The following CSMD1 variants were observed in gnomAD, a reference collection of about 807,000 sequenced individuals.
The protein encoded by CSMD1 is CUB and sushi domain-containing protein 1.
CSMD1 carries 213 observed loss-of-function variants against 417.5 expected under a neutral mutation model. The observed-to-expected ratio is 0.51, with a 90% CI of 0.46 to 0.57. CSMD1 has a LOEUF of 0.57. Among genes scored for constraint, CSMD1 ranks in the 20% least tolerant of loss-of-function variants. The probability of loss-of-function intolerance (pLI) is 0.00; values close to 1 mark genes in which losing one functional copy is unlikely to be tolerated. For synonymous variants in CSMD1, 2,862 were observed against 1,736.8 expected (o/e 1.65, Z -16.11); for missense variants, 6,923 against 4,529.7 (o/e 1.53, Z -15.17).
chr8:4,064,871 G>A (rs922681724), intron 3 of CSMD1, among the ~76,000 whole-genome samples: 6 of 151,998 alleles, frequency 3.9e-5, no homozygotes, highest in African/African-American at 1.5e-4. Context: ...TGTAATGTGT[G>A]TATCTACATG....
At position 3,784,234 on chromosome 8, in the gene CSMD1, G is replaced by T. The variant is rs112866693; in HGVS notation, c.819-30192C>A. Among the ~76,000 whole-genome samples the T allele has an allele frequency of 3.8e-3, 578 of 152,154 alleles. 4 individuals carry two copies. The highest frequency in any genetic ancestry group is 0.013 in the African/African-American group (539 of 41,514). ...TAAATAACAAATTATTTTTTAAAAGGATGTGTAAATAAATGTCCAACACAG... is the reference window on the plus strand; with the variant it reads ...TAAATAACAAATTATTTTTTAAAAGTATGTGTAAATAAATGTCCAACACAG... On this transcript the variant is annotated intron_variant, in intron 5 of 69. Transcript: ENST00000635120.
chr8:3,952,136 C>G (rs1314963379), intron 5 of CSMD1, among the ~76,000 whole-genome samples: 2 of 152,058 alleles, frequency 1.3e-5, no homozygotes, highest in African/African-American at 4.8e-5. Context: ...TAGTGGTTCA[C>G]AAAGTATGGT....
At chr8:4,927,024 A>G (rs1054222968) in intron 1 of CSMD1, among the ~76,000 whole-genome samples, 1 of 151,844 alleles carries the variant, frequency 6.6e-6, no homozygotes, top group Admixed American at 6.6e-5. Context: ...TCCCGTATCT[A>G]AAAGACATGC....
intron 26 of CSMD1, among the ~76,000 whole-genome samples, chr8:3,270,457 T>C (rs753834829): frequency 6.6e-6 from 1 of 152,186 alleles, no homozygotes; most frequent in Non-Finnish European, 1.5e-5. Context: ...AGGTGATAGA[T>C]TAAAAACTAT....
At chr8:4,748,327 G>C (rs976560198) in intron 1 of CSMD1, among the ~76,000 whole-genome samples, 2 of 152,226 alleles carry the variant, frequency 1.3e-5, no homozygotes, top group East Asian at 3.8e-4. Context: ...ATCTGAGTTG[G>C]AAATGTGTGC....
At chr8:4,856,068 G>A (rs1028344214) in intron 1 of CSMD1, among the ~76,000 whole-genome samples, 16 of 152,166 alleles carry the variant, frequency 1.1e-4, no homozygotes, top group East Asian at 1.9e-4. Context: ...CGGATCTCTC[G>A]ACAGAAACCC....
intron 3 of CSMD1, among the ~76,000 whole-genome samples, chr8:4,414,532 ATAAG>A (rs1796821465): frequency 6.6e-6 from 1 of 152,216 alleles, no homozygotes; most frequent in Non-Finnish European, 1.5e-5. Context: ...TGCATAGTTT[ATAAG>A]TAATAAACTA....
intron 12 of CSMD1, among the ~76,000 whole-genome samples, chr8:3,423,592 C>G (rs559550347): frequency 3.3e-5 from 5 of 152,276 alleles, no homozygotes; most frequent in African/African-American, 1.2e-4. Flanking sequence ...ACTCAATGGT[C>G]CTCCACTCTG....
intron 2 of CSMD1, among the ~76,000 whole-genome samples, chr8:4,572,252 T>G (rs1182013292): frequency 6.6e-6 from 1 of 152,230 alleles, no homozygotes; most frequent in Non-Finnish European, 1.5e-5. Flanking sequence ...CAGTGGCTGG[T>G]ACCAGTTTTT....
At chr8:4,316,393 T>C (rs1468575645) in intron 3 of CSMD1, among the ~76,000 whole-genome samples, 1 of 152,176 alleles carries the variant, frequency 6.6e-6, no homozygotes, top group Non-Finnish European at 1.5e-5. Flanking sequence ...CTGTTAATTC[T>C]TGGACTTACC....
intron 3 of CSMD1, among the ~76,000 whole-genome samples, chr8:4,312,695 G>C (rs1798697928): frequency 6.6e-6 from 1 of 151,844 alleles, no homozygotes; most frequent in South Asian, 2.1e-4. Context: ...TGGCCAACCT[G>C]ACGAAACCCC....
chr8:4,309,736 C>G (rs370455652), intron 3 of CSMD1, among the ~76,000 whole-genome samples: 76 of 152,232 alleles, frequency 5.0e-4, no homozygotes, highest in African/African-American at 1.8e-3. Context: ...ACAAAATAAC[C>G]TATCACAGTC....
chr8:4,659,209 C>G (rs1804428631), intron 1 of CSMD1, among the ~76,000 whole-genome samples: 1 of 151,928 alleles, frequency 6.6e-6, no homozygotes, highest in Non-Finnish European at 1.5e-5. Flanking sequence ...TATATGGAAT[C>G]AGAAAAACAG....
chr8:4,379,438 T>C (rs1802961582), intron 3 of CSMD1, among the ~76,000 whole-genome samples: 1 of 152,190 alleles, frequency 6.6e-6, no homozygotes, highest in Admixed American at 6.5e-5. Flanking sequence ...GCCTGCAGTT[T>C]AGTTAATAAT....
intron 1 of CSMD1, among the ~76,000 whole-genome samples, chr8:4,727,798 A>G (rs1192611692): frequency 6.6e-6 from 1 of 151,406 alleles, no homozygotes; most frequent in Non-Finnish European, 1.5e-5. Context: ...TTTGGAATAT[A>G]TATGTTTGGT....
intron 2 of CSMD1, among the ~76,000 whole-genome samples, chr8:4,444,750 A>T (rs527931064): frequency 1.3e-5 from 2 of 152,178 alleles, no homozygotes; most frequent in African/African-American, 4.8e-5. Flanking sequence ...TGATATGAAT[A>T]TGTCTACCTA....
At chr8:3,073,415 T>C (rs1029437205) in intron 49 of CSMD1, among the ~76,000 whole-genome samples, 4 of 152,202 alleles carry the variant, frequency 2.6e-5, no homozygotes, top group African/African-American at 7.2e-5. Flanking sequence ...GGTAGCCATC[T>C]GAGAGGGTGA....
At chr8:4,738,903 T>TTGTGTGTGTGTGTGTGTA (rs1554464183) in intron 1 of CSMD1, among the ~76,000 whole-genome samples, 1 of 147,396 alleles carries the variant, frequency 6.8e-6, no homozygotes, top group African/African-American at 2.6e-5. Flanking sequence ...TTCTGTGTGT[T>TTGTGTGTGTGTGTGTGTA]TGTGTGTGTG....
At chr8:3,671,102 G>C (rs573463465) in intron 7 of CSMD1, among the ~76,000 whole-genome samples, 1 of 143,824 alleles carries the variant, frequency 7.0e-6, no homozygotes, top group Non-Finnish European at 1.5e-5. Flanking sequence ...ATATATGTAT[G>C]GGATATATAT....
Sources: gnomAD v4.1 joint callset for allele counts (sites outside exome capture counted in the v4.1 genomes callset) on GRCh38, gnomAD v4.1.1 for gene constraint, MANE v1.5 for transcripts, NCBI Gene and HGNC (gene_info 2026-07-23, HGNC 2026-07-21) for gene names.